SUCO: variants seen among roughly 807,000 people sequenced by gnomAD.
SUCO encodes the protein SUN domain containing ossification factor.
In SUCO, 57 loss-of-function variants were observed where a neutral mutation model predicts 148.1. The observed-to-expected ratio is 0.38, with a 90% CI of 0.31 to 0.48. The LOEUF is 0.48. SUCO is among the 20% of genes least tolerant of loss of function. The probability of loss-of-function intolerance (pLI) is 0.96; values close to 1 mark genes in which losing one functional copy is unlikely to be tolerated. For missense variants in SUCO, 1,331 were observed against 1,468.2 expected (o/e 0.91, Z 1.53); for synonymous variants, 470 against 502.7 (o/e 0.93, Z 0.87).
intron 19 of SUCO, among the ~76,000 whole-genome samples, chr1:172,595,042 C>G (rs1656989561): frequency 6.6e-6 from 1 of 152,156 alleles, no homozygotes; most frequent in East Asian, 1.9e-4. Flanking sequence ...ATGTAATGGC[C>G]TTCTTTGTCT....
At position 172,551,641 on chromosome 1, in the gene SUCO, G is replaced by A; in HGVS notation, c.177+15G>A. On this transcript the variant is annotated intron_variant, in intron 2 of 23. Coordinates refer to ENST00000263688, the MANE Select transcript of SUCO (RefSeq NM_014283.5). ...TCCAGAAAAAGGTGCCTTAAATAAA[G>A]TTAACATTATAATTTGTGTGTCAGC... 6.7e-7 allele frequency: 1 copy of A among 1,497,370 alleles called. No homozygotes were observed. Among genetic ancestry groups the A allele is most frequent in the Non-Finnish European group, 9.2e-7 (1 of 1,082,118 alleles). 92.8% of individuals were successfully genotyped at this position (1,497,370 alleles called of 1,614,324 possible).
chr1:172,569,961 C>CT, intron 7 of SUCO, 86 bp from the exon 8 acceptor site: 2 of 1,186,258 alleles, frequency 1.7e-6, no homozygotes, highest in Non-Finnish European at 2.1e-6. Flanking sequence ...CAGCTTATTG[C>CT]TTTGGAGATC....
upstream of SUCO, chr1:172,532,544 A>C (rs763008021): frequency 1.5e-5 from 24 of 1,613,730 alleles, no homozygotes; most frequent in Non-Finnish European, 1.9e-5. Context: ...GTCCATTGCC[A>C]CAGGGAAAGG....
intron 6 of SUCO, among the ~76,000 whole-genome samples, chr1:172,561,907 G>A (rs1654185984): frequency 6.6e-6 from 1 of 152,134 alleles, no homozygotes; most frequent in Admixed American, 6.5e-5. Context: ...ACAACAAGGA[G>A]GAATACAAAA....
At position 172,609,733 on chromosome 1, in the gene SUCO, C is replaced by G. The variant is rs560308314; in HGVS notation, c.3322-83C>G. ...TACTTTTCACCAGGAGGTGGCACTTCTCTATTAGCTCAGCTCTCTAGGTGT... is the reference window on the plus strand; with the variant it reads ...TACTTTTCACCAGGAGGTGGCACTTGTCTATTAGCTCAGCTCTCTAGGTGT... On this transcript the variant is annotated intron_variant, in intron 23 of 23. Transcript: ENST00000263688. The G allele has an allele frequency of 4.6e-6, 7 of 1,515,644 alleles. No homozygotes were observed. In the East Asian group the frequency reaches 1.1e-4, roughly 25 times the overall value. 93.9% of individuals were successfully genotyped at this position (1,515,644 alleles called of 1,614,324 possible).
At chr1:172,600,012 T>C in intron 19 of SUCO, 52 bp from the exon 20 acceptor site, 1 of 1,205,774 alleles carries the variant, frequency 8.3e-7, no homozygotes, top group Admixed American at 2.7e-5. Context: ...CAATTTATAA[T>C]GTTAATAGTT....
rs34871543 is a variant in SUCO at position 172,562,327 on chromosome 1, ATTTTTTTT to A, written c.732+4546_732+4553del. ...CATTTTAAGAAAATTGGGTTTTAAC[ATTTTTTTT>A]TTTTTTTTTTTTATTTTGAGATGGA... On this transcript the variant is annotated intron_variant, in intron 6 of 23. Coordinates refer to ENST00000263688, the MANE Select transcript of SUCO (RefSeq NM_014283.5). Among the ~76,000 whole-genome samples the A allele has an allele frequency of 8.7e-5, 12 of 137,700 alleles. 1 individual carries two copies. The highest frequency in any genetic ancestry group is 2.9e-4 in the Admixed American group (4 of 13,802). The allele number at this position is 137,700 out of a possible 152,430, so 90.3% of individuals were successfully genotyped here. A position where few individuals can be genotyped will look rare whatever the true frequency, so the allele number is the denominator to read the frequency against.
At chr1:172,607,336 T>C (rs1053317387) in intron 22 of SUCO, among the ~76,000 whole-genome samples, 1 of 151,938 alleles carries the variant, frequency 6.6e-6, no homozygotes, top group African/African-American at 2.4e-5. Context: ...TTGTGGTTTG[T>C]TGGGCCACCA....
intron 17 of SUCO, among the ~76,000 whole-genome samples, chr1:172,587,465 A>T (rs1370165900): frequency 6.6e-6 from 1 of 152,206 alleles, no homozygotes. Context: ...ACCAAATTCA[A>T]TATAATTTTT....
intron 6 of SUCO, among the ~76,000 whole-genome samples, chr1:172,558,366 C>G: frequency 6.6e-6 from 1 of 152,140 alleles, no homozygotes; most frequent in East Asian, 1.9e-4. Flanking sequence ...TGTAGAATTT[C>G]TTGAAATAGT....
rs756593456 is a variant in SUCO, at chr1:172,577,825, G to A, written c.1340+6G>A. On this transcript the variant is annotated splice_donor_region_variant and intron_variant, in intron 13 of 23. Coordinates refer to ENST00000263688, the MANE Select transcript of SUCO (RefSeq NM_014283.5). The stretch of plus-strand genomic sequence containing the variant: ...TGTCCATTAAGCCTTATAAGGTAAT[G>A]CAGAACAAAATACATTTATTGAGTT... 7.5e-6 allele frequency: 12 copies of A among 1,600,314 alleles called. No homozygotes were observed. The South Asian group carries it at 1.3e-4, about 18-fold the overall frequency.
intron 8 of SUCO, 91 bp from the exon 9 acceptor site, chr1:172,570,572 A>C: frequency 1.2e-6 from 1 of 855,226 alleles, no homozygotes; most frequent in Non-Finnish European, 1.9e-6. Flanking sequence ...AGATCTAAAA[A>C]TACAGAAGTC....
intron 6 of SUCO, among the ~76,000 whole-genome samples, chr1:172,560,474 A>G (rs929404128): frequency 1.3e-5 from 2 of 152,240 alleles, no homozygotes; most frequent in Non-Finnish European, 2.9e-5. Flanking sequence ...TTATTGAGAA[A>G]TACATTTGCC....
chr1:172,541,078 C>T (rs1652419219), intron 1 of SUCO, among the ~76,000 whole-genome samples: 1 of 151,832 alleles, frequency 6.6e-6, no homozygotes, highest in Non-Finnish European at 1.5e-5. Flanking sequence ...CAACCAACCT[C>T]AGGTTGAAAA....
rs1471860301 is a variant in SUCO at position 172,557,713 on chromosome 1, T to A, written c.651T>A (p.Phe217Leu). The A allele has an allele frequency of 6.2e-7, 1 of 1,613,314 alleles. No individual in the cohort carries two copies. Among genetic ancestry groups the A allele is most frequent in the Middle Eastern group, 1.7e-4 (1 of 6,016 alleles). Reference sequence around the variant, plus strand: ...AAGGAAAGATAACAAAATCAGAATTTGAATCAAAAGTTTCAGCAAGTGAAC... The same window carrying A: ...AAGGAAAGATAACAAAATCAGAATTAGAATCAAAAGTTTCAGCAAGTGAAC... ...HGKGKITKSE[F>L]ESKVSASEQG... The change falls in exon 6 of 24, where the codon TTT (phenylalanine) becomes TTA (leucine). Residue 217 changes from phenylalanine (F) to leucine (L), a missense_variant. By Grantham distance (22) the Phe-to-Leu change is conservative. This residue lies in a region of SUCO where 992 missense variants were observed against 1,093.5 expected (regional missense o/e 0.91). Coordinates refer to ENST00000263688, the MANE Select transcript of SUCO (RefSeq NM_014283.5).
At chr1:172,535,465 T>C (rs552286133) in intron 1 of SUCO, among the ~76,000 whole-genome samples, 65 of 152,230 alleles carry the variant, frequency 4.3e-4, no homozygotes, top group Non-Finnish European at 7.6e-4. Context: ...TACCTGGTGC[T>C]GATTGGCAAA....
At chr1:172,570,007 A>AAT (rs1330352906) in intron 7 of SUCO, 40 bp from the exon 8 acceptor site, 15 of 1,324,732 alleles carry the variant, frequency 1.1e-5, no homozygotes, top group Non-Finnish European at 1.3e-5. Context: ...ATAATCATCA[A>AAT]ATATATATAT....
intron 14 of SUCO, 81 bp from the exon 15 acceptor site, chr1:172,579,121 C>T: frequency 1.3e-6 from 1 of 745,066 alleles, no homozygotes; most frequent in South Asian, 1.6e-5. Flanking sequence ...CTGACTTTGA[C>T]AGGACATAAT....
At chr1:172,597,712 C>T (rs1379774089) in intron 19 of SUCO, among the ~76,000 whole-genome samples, 2 of 151,780 alleles carry the variant, frequency 1.3e-5, no homozygotes, top group Admixed American at 6.6e-5. Flanking sequence ...TAGTATTGCA[C>T]CTCTAGTGTG....
Sources: allele counts gnomAD v4.1 joint callset (sites outside exome capture counted in the v4.1 genomes callset), GRCh38; gene constraint gnomAD v4.1.1; regional missense constraint gnomAD v4.1.1; transcripts MANE v1.5; gene names NCBI Gene and HGNC (gene_info 2026-07-23, HGNC 2026-07-21).